Variants in MSRA observed in about 807,000 individuals in gnomAD.
MSRA encodes methionine sulfoxide reductase A.
Under a neutral mutation model 31.3 loss-of-function variants are expected in MSRA, and 54 were observed. The ratio of observed to expected loss-of-function variants is 1.73; its 90% confidence interval spans 1.39 to 2.17. The LOEUF (loss-of-function observed/expected upper bound fraction) is 2.17. Ranked by LOEUF, MSRA falls within the 30% of genes most tolerant of loss-of-function variation. The pLI, the probability that MSRA is intolerant of heterozygous loss-of-function variation, is 0.00. For missense variants in MSRA, 507 were observed against 300.9 expected, an observed-to-expected ratio of 1.69 and a Z score of -5.07; for synonymous variants, 169 against 116.5, an observed-to-expected ratio of 1.45 and a Z score of -2.90.
chr8:10,069,464 A>G (rs1246740975), intron 1 of MSRA, among the ~76,000 whole-genome samples: 2 of 152,260 alleles, frequency 1.3e-5, no homozygotes, highest in Non-Finnish European at 1.5e-5. Context: ...TGGGTAATTT[A>G]TAAAGAAACG....
chr8:10,073,274 GAGTTACGGT>G (rs545878104), intron 1 of MSRA, among the ~76,000 whole-genome samples: 51 of 152,182 alleles, frequency 3.4e-4, no homozygotes, highest in African/African-American at 1.1e-3. Flanking sequence ...GCTGTTTATT[GAGTTACGGT>G]AGTTCCTCTT....
At chr8:10,298,542 G>A (rs867388961) in intron 3 of MSRA, among the ~76,000 whole-genome samples, 4 of 152,102 alleles carry the variant, frequency 2.6e-5, no homozygotes, top group South Asian at 2.1e-4. Flanking sequence ...TTCTGGAGCC[G>A]GATGATTAGT....
chr8:10,356,969 T>G (rs1010808221), intron 5 of MSRA, among the ~76,000 whole-genome samples: 1 of 152,072 alleles, frequency 6.6e-6, no homozygotes, highest in Admixed American at 6.6e-5. Context: ...TCCTTCTTTT[T>G]TCCTGTGGGT....
intron 1 of MSRA, among the ~76,000 whole-genome samples, chr8:10,195,611 G>T (rs575373119): frequency 6.6e-6 from 1 of 152,306 alleles, no homozygotes; most frequent in African/African-American, 2.4e-5. Context: ...CTCAGCAAGA[G>T]ACAATAATTG....
At chr8:10,384,334 A>G (rs1806255230) in intron 5 of MSRA, among the ~76,000 whole-genome samples, 1 of 152,198 alleles carries the variant, frequency 6.6e-6, no homozygotes, top group African/African-American at 2.4e-5. Context: ...TAGGAATGCA[A>G]AGAATGAAAA....
intron 1 of MSRA, among the ~76,000 whole-genome samples, chr8:10,093,028 G>T (rs1322364463): frequency 6.6e-6 from 1 of 151,902 alleles, no homozygotes; most frequent in African/African-American, 2.4e-5. Flanking sequence ...CTTTTTGCAT[G>T]GTATATATAT....
intron 5 of MSRA, among the ~76,000 whole-genome samples, chr8:10,381,775 T>C (rs1388736559): frequency 1.3e-5 from 2 of 152,172 alleles, no homozygotes; most frequent in Admixed American, 6.5e-5. Context: ...AGGAAGCTGA[T>C]GAGACCTTTG....
rs1010224212 is a variant in MSRA at position 10,131,180 on chromosome 8, T to C, written c.142+76522T>C. ...GATACAAAGGGGAATCCTCTGTGGA[T>C]TCTTCTCTCTGGAAGCTTGCCCTCC... On this transcript the variant is annotated intron_variant, in intron 1 of 5. Transcript: ENST00000317173. Among the ~76,000 whole-genome samples the C allele has an allele frequency of 2.0e-5, 3 of 152,222 alleles. No homozygotes were observed. The East Asian group carries it at 5.8e-4, about 29-fold the overall frequency.
At chr8:10,338,669 A>G (rs1563367781) in intron 5 of MSRA, among the ~76,000 whole-genome samples, 1 of 152,244 alleles carries the variant, frequency 6.6e-6, no homozygotes, top group Non-Finnish European at 1.5e-5. Flanking sequence ...GTATAGAAAG[A>G]AAAACCTTTC....
At chr8:10,265,750 T>A (rs577643847) in intron 3 of MSRA, among the ~76,000 whole-genome samples, 23 of 152,356 alleles carry the variant, frequency 1.5e-4, no homozygotes, top group Non-Finnish European at 3.1e-4. Flanking sequence ...GCCTTCATCA[T>A]TCCTCCCCCT....
intron 5 of MSRA, among the ~76,000 whole-genome samples, chr8:10,405,215 C>T (rs1393758173): frequency 6.6e-6 from 1 of 152,098 alleles, no homozygotes; most frequent in Non-Finnish European, 1.5e-5. Flanking sequence ...GAGAGAGTGC[C>T]TCTCCCCTCT....
At chr8:10,129,700 T>C (rs1419700869) in intron 1 of MSRA, among the ~76,000 whole-genome samples, 1 of 152,138 alleles carries the variant, frequency 6.6e-6, no homozygotes. Context: ...CCTCCATCCT[T>C]GAGCCCCTGG....
intron 5 of MSRA, among the ~76,000 whole-genome samples, chr8:10,425,098 G>T (rs990388459): frequency 1.3e-5 from 2 of 152,042 alleles, no homozygotes; most frequent in Non-Finnish European, 2.9e-5. Flanking sequence ...CCCTTCTTTC[G>T]CACCTAGTCT....
intron 5 of MSRA, among the ~76,000 whole-genome samples, chr8:10,341,538 C>T (rs1415358219): frequency 1.3e-5 from 2 of 152,182 alleles, no homozygotes; most frequent in African/African-American, 2.4e-5. Context: ...TGGGCAGGGA[C>T]ATATATTTAA....
chr8:10,295,863 G>T (rs986922275), intron 3 of MSRA, among the ~76,000 whole-genome samples: 1 of 152,114 alleles, frequency 6.6e-6, no homozygotes, highest in African/African-American at 2.4e-5. Context: ...CGTTGACAGG[G>T]TGCGATGGGA....
At chr8:10,095,291 A>G (rs1021303035) in intron 1 of MSRA, among the ~76,000 whole-genome samples, 1 of 152,194 alleles carries the variant, frequency 6.6e-6, no homozygotes, top group Non-Finnish European at 1.5e-5. Context: ...TGAGCAGTGA[A>G]TGGCTTCTAG....
chr8:10,363,507 C>T (rs528385869), intron 5 of MSRA, among the ~76,000 whole-genome samples: 6 of 152,192 alleles, frequency 3.9e-5, no homozygotes, highest in East Asian at 1.9e-4. Flanking sequence ...CAGGCCCTAC[C>T]GTGCCTGTCT....
intron 2 of MSRA, among the ~76,000 whole-genome samples, chr8:10,224,974 C>G (rs1810866089): frequency 6.6e-6 from 1 of 152,132 alleles, no homozygotes; most frequent in South Asian, 2.1e-4. Context: ...CCCATCTCTA[C>G]TATAAATACA....
chr8:10,269,643 GTTGT>G lies in MSRA; in HGVS notation c.331+24431_331+24434del, dbSNP rs368920574. 2.2e-3 allele frequency among the ~76,000 whole-genome samples: 335 copies of G among 151,676 alleles called. 2 individuals are homozygous for G. The highest frequency in any genetic ancestry group is 7.6e-3 in the African/African-American group (315 of 41,370). ...TCTCTTTTGGTTTTTTGTTGTTGTT[GTTGT>G]TTGTTTGTTTTTTTGTTTTTTGAGA... On this transcript the variant is annotated intron_variant, in intron 3 of 5. Coordinates refer to ENST00000317173, the MANE Select transcript of MSRA (RefSeq NM_012331.5).
Sources: allele counts gnomAD v4.1 joint callset (sites outside exome capture counted in the v4.1 genomes callset), GRCh38; gene constraint gnomAD v4.1.1; transcripts MANE v1.5; gene names NCBI Gene and HGNC (gene_info 2026-07-23, HGNC 2026-07-21).